Variants in GATAD2B observed in about 807,000 individuals in gnomAD.
GATAD2B encodes GATA zinc finger domain containing 2B.
A neutral mutation model predicts 64.3 loss-of-function variants in GATAD2B; 8 were observed. The observed-to-expected ratio is 0.12, with a 90% CI of 0.07 to 0.22. The LOEUF (loss-of-function observed/expected upper bound fraction) is 0.22, where lower values mean the gene tolerates loss of function less well. GATAD2B is among the 10% of genes least tolerant of loss of function. The pLI, the probability that GATAD2B is intolerant of heterozygous loss-of-function variation, is 1.00. For synonymous variants in GATAD2B, 281 were observed against 271.3 expected (o/e 1.04, Z -0.35); for missense variants, 453 against 752.0 (o/e 0.60, Z 4.65).
intron 1 of GATAD2B, among the ~76,000 whole-genome samples, chr1:153,847,588 A>G (rs893042710): frequency 7.9e-5 from 12 of 152,114 alleles, no homozygotes; most frequent in Non-Finnish European, 1.3e-4. Flanking sequence ...GGCTGCTTTC[A>G]TAAGATCTTT....
At chr1:153,902,281 CAAAAAAAA>C (rs2101961293) in intron 1 of GATAD2B, among the ~76,000 whole-genome samples, 1 of 146,960 alleles carries the variant, frequency 6.8e-6, no homozygotes, top group African/African-American at 2.5e-5. Context: ...AACTCCATCT[CAAAAAAAA>C]GAAAAAAAGA....
At chr1:153,884,729 G>C (rs952003310) in intron 1 of GATAD2B, among the ~76,000 whole-genome samples, 2 of 152,130 alleles carry the variant, frequency 1.3e-5, no homozygotes, top group African/African-American at 4.8e-5. Flanking sequence ...CACCAAGCCA[G>C]GAAGGTAGGA....
At chr1:153,843,814 CA>C (rs71584146) in intron 1 of GATAD2B, among the ~76,000 whole-genome samples, 31,841 of 120,334 alleles carry the variant, frequency 0.26, 4,298 homozygotes, top group Admixed American at 0.39. Context: ...CCACCACCAC[CA>C]AAAAAAAAAA....
rs1472946061 is a variant in GATAD2B, at chr1:153,853,188, T to C, written c.-1-24840A>G. On this transcript the variant is annotated intron_variant, in intron 1 of 10. Transcript: ENST00000368655. The stretch of plus-strand genomic sequence containing the variant: ...GACACGGATATTGGCAACTGCAATT[T>C]GCAGCTCTAGCTTCTGGATGATGGG... The C allele has an allele frequency of 2.4e-6, 3 of 1,232,272 alleles. No individual in the cohort carries two copies. In the African/African-American group the frequency reaches 4.4e-5, roughly 18 times the overall value. 76.3% of individuals were successfully genotyped at this position (1,232,272 alleles called of 1,614,324 possible).
intron 1 of GATAD2B, among the ~76,000 whole-genome samples, chr1:153,887,507 T>C (rs1268798052): frequency 6.6e-6 from 1 of 152,214 alleles, no homozygotes; most frequent in Non-Finnish European, 1.5e-5. Context: ...ATGCAGAATA[T>C]GGACTAGTTC....
intron 2 of GATAD2B, among the ~76,000 whole-genome samples, chr1:153,821,171 T>TG (rs1674672317): frequency 6.6e-6 from 1 of 151,300 alleles, no homozygotes; most frequent in African/African-American, 2.4e-5. Context: ...TTGTAAGGGG[T>TG]GGGGGTCTTG....
intron 1 of GATAD2B, among the ~76,000 whole-genome samples, chr1:153,841,138 A>G (rs867890083): frequency 1.7e-4 from 26 of 151,642 alleles, no homozygotes; most frequent in African/African-American, 5.8e-4. Context: ...AAAAAAAAAA[A>G]AAAGAAAAAA....
intron 8 of GATAD2B, among the ~76,000 whole-genome samples, chr1:153,812,923 T>G (rs999775343): frequency 6.6e-6 from 1 of 152,202 alleles, no homozygotes; most frequent in Admixed American, 6.6e-5. Context: ...AATAACTGTT[T>G]CAAAGAGATT....
intron 1 of GATAD2B, among the ~76,000 whole-genome samples, chr1:153,845,971 C>T (rs1675673395): frequency 1.4e-5 from 2 of 141,560 alleles, no homozygotes; most frequent in African/African-American, 5.2e-5. Flanking sequence ...AAACTGTTCC[C>T]TTAATAACTT....
At chr1:153,847,268 G>T (rs2101907011) in intron 1 of GATAD2B, among the ~76,000 whole-genome samples, 1 of 152,198 alleles carries the variant, frequency 6.6e-6, no homozygotes, top group East Asian at 1.9e-4. Flanking sequence ...TGCCTGGCCT[G>T]GAACTTCTAT....
chr1:153,878,343 G>A (rs544983748), intron 1 of GATAD2B, among the ~76,000 whole-genome samples: 9 of 152,034 alleles, frequency 5.9e-5, no homozygotes, highest in African/African-American at 2.2e-4. Context: ...TGCCCAGGCT[G>A]GTCTCAAACT....
chr1:153,852,962 A>C lies in GATAD2B; in HGVS notation c.-1-24614T>G. 3.3e-6 allele frequency: 3 copies of C among 904,280 alleles called. No homozygotes were observed. In the South Asian group the frequency reaches 4.1e-5, roughly 12 times the overall value. 56.0% of individuals were successfully genotyped at this position (904,280 alleles called of 1,614,324 possible). On this transcript the variant is annotated intron_variant, in intron 1 of 10. Transcript: ENST00000368655. ...CTTGTGTTAATGCTGCCACTGACAC[A>C]GACTTGGGTCTTCTCCACAGTGCCA... is the stretch of plus-strand genomic sequence containing the variant.
chr1:153,814,795 G>A (rs1162859559), intron 7 of GATAD2B, among the ~76,000 whole-genome samples: 2 of 151,846 alleles, frequency 1.3e-5, no homozygotes, highest in Non-Finnish European at 2.9e-5. Context: ...GACCAACATT[G>A]TGAAACCCCG....
chr1:153,824,993 C>T (rs1307591794), intron 2 of GATAD2B, among the ~76,000 whole-genome samples: 1 of 151,892 alleles, frequency 6.6e-6, no homozygotes, highest in Non-Finnish European at 1.5e-5. Context: ...GGCTAAGGAG[C>T]GAGGATTGCT....
Position 153,812,141 on chromosome 1 carries a change from AG to A in GATAD2B, c.1420-10del. 6.8e-7 allele frequency: 1 copy of A among 1,469,054 alleles called. No homozygotes were observed. Among genetic ancestry groups the A allele is most frequent in the Non-Finnish European group, 9.5e-7 (1 of 1,050,504 alleles). The allele number at this position is 1,469,054 out of a possible 1,614,324, so 91.0% of individuals were successfully genotyped here. On this transcript the variant is annotated splice_polypyrimidine_tract_variant and intron_variant, in intron 8 of 10. Coordinates refer to ENST00000368655, the MANE Select transcript of GATAD2B (RefSeq NM_020699.4). The stretch of plus-strand genomic sequence containing the variant: ...AATCGCTGTTCAATTTCCTGTTGGG[AG>A]TCATCACATCAGGTGATTGAGCAGG...
intron 1 of GATAD2B, chr1:153,899,120 G>A (rs958295098): frequency 1.1e-4 from 17 of 152,162 alleles, no homozygotes; most frequent in African/African-American, 3.6e-4. Context: ...GGGTGCGATG[G>A]TGCACACACC....
chr1:153,904,048 A>G (rs1356743590), intron 1 of GATAD2B, among the ~76,000 whole-genome samples: 1 of 152,170 alleles, frequency 6.6e-6, no homozygotes, highest in African/African-American at 2.4e-5. Context: ...CGGGAAGGTA[A>G]GGCGGGTGGA....
At chr1:153,830,577 G>A (rs1278277472) in intron 1 of GATAD2B, among the ~76,000 whole-genome samples, 17 of 146,112 alleles carry the variant, frequency 1.2e-4, no homozygotes, top group Admixed American at 5.5e-4. Flanking sequence ...CCGGGTTCAC[G>A]CCATTCTCCT....
chr1:153,813,347 C>A lies in GATAD2B; in HGVS notation c.1322G>T (p.Cys441Phe). 1 of 1,613,936 alleles carries A rather than the reference C, an allele frequency of 6.2e-7. No homozygotes were observed. The highest frequency in any genetic ancestry group is 8.5e-7 in the Non-Finnish European group (1 of 1,179,810). The change falls in exon 8 of 11, where the codon TGT becomes TTT. Residue 441 changes from cysteine (C) to phenylalanine (F), a missense_variant. Coordinates refer to ENST00000368655, the MANE Select transcript of GATAD2B (RefSeq NM_020699.4). ...WKQEKNGKILCEQCMTSNQKK... is the reference protein window; with the variant it reads ...WKQEKNGKILFEQCMTSNQKK... ...CTGGTTGGAGGTCATACACTGCTCA[C>A]ATAGAATCTTACCATTCTTTTCTTG... is the stretch of plus-strand genomic sequence containing the variant.
Sources: gnomAD v4.1 joint callset for allele counts (sites outside exome capture counted in the v4.1 genomes callset) on GRCh38, gnomAD v4.1.1 for gene constraint, MANE v1.5 for transcripts, NCBI Gene and HGNC (gene_info 2026-07-23, HGNC 2026-07-21) for gene names.